ERC2: variants seen among roughly 807,000 people sequenced by gnomAD.
The protein encoded by ERC2 is ELKS/RAB6-interacting/CAST family member 2.
ERC2 carries 42 observed loss-of-function variants against 114.8 expected under a neutral mutation model. That is an observed-to-expected ratio of 0.37 (90% CI 0.29 to 0.47). ERC2 has a LOEUF of 0.47. Ranked by LOEUF, ERC2 falls within the 20% of genes least tolerant of loss-of-function variation. The pLI, the probability that ERC2 is intolerant of heterozygous loss-of-function variation, is 0.99. For missense variants in ERC2, 939 were observed against 1,150.7 expected, an observed-to-expected ratio of 0.82 and a Z score of 2.66; for synonymous variants, 454 against 425.5, an observed-to-expected ratio of 1.07 and a Z score of -0.82.
At position 55,943,285 on chromosome 3, in the gene ERC2, G is replaced by C. The variant is rs543688620; in HGVS notation, c.2403+7140C>G. On this transcript the variant is annotated intron_variant, in intron 13 of 17. Transcript: ENST00000288221. ...CCAGTCCTTTTGCTTTCAATGTTTG[G>C]GTTCTTCAGTAATGCCTTCACCGTA... Among the ~76,000 whole-genome samples, 17 of 152,176 alleles carry C rather than the reference G, an allele frequency of 1.1e-4. No homozygotes were observed. The South Asian group carries it at 3.5e-3, about 32-fold the overall frequency.
chr3:55,970,896 A>G (rs999082645), intron 12 of ERC2, among the ~76,000 whole-genome samples: 6 of 152,204 alleles, frequency 3.9e-5, no homozygotes, highest in Admixed American at 3.3e-4. Flanking sequence ...ATGAATGTCC[A>G]TAGCAATATT....
chr3:56,307,951 C>T (rs1383885942), intron 2 of ERC2, among the ~76,000 whole-genome samples: 4 of 151,960 alleles, frequency 2.6e-5, no homozygotes, highest in Non-Finnish European at 4.4e-5. Flanking sequence ...CTCACCAGAC[C>T]GTCGGCACAA....
At chr3:56,017,746 GTC>G (rs1415474884) in intron 8 of ERC2, among the ~76,000 whole-genome samples, 2 of 152,074 alleles carry the variant, frequency 1.3e-5, no homozygotes, top group African/African-American at 4.8e-5. Context: ...TCCTAGGAAT[GTC>G]ACGTATTTAT....
At chr3:55,605,985 T>C (rs1443637662) in intron 17 of ERC2, among the ~76,000 whole-genome samples, 1 of 150,338 alleles carries the variant, frequency 6.7e-6, no homozygotes, top group East Asian at 1.9e-4. Context: ...CAGATGAGAA[T>C]AAAAGTCAGA....
intron 2 of ERC2, among the ~76,000 whole-genome samples, chr3:56,418,355 A>G (rs1009604360): frequency 1.3e-5 from 2 of 151,918 alleles, no homozygotes; most frequent in Non-Finnish European, 2.9e-5. Flanking sequence ...ATGGGCTTCA[A>G]AGTTGTTTAA....
intron 6 of ERC2, among the ~76,000 whole-genome samples, chr3:56,107,902 A>C (rs533917378): frequency 6.6e-6 from 1 of 152,312 alleles, no homozygotes; most frequent in South Asian, 2.1e-4. Context: ...AACAGAAAAA[A>C]ATTGTTAATT....
intron 16 of ERC2, among the ~76,000 whole-genome samples, chr3:55,699,124 T>A (rs2063092659): frequency 6.6e-6 from 1 of 151,826 alleles, no homozygotes; most frequent in African/African-American, 2.4e-5. Context: ...ATAGACTACA[T>A]ATCTATGAAA....
chr3:56,350,002 T>C (rs999792741), intron 2 of ERC2, among the ~76,000 whole-genome samples: 1 of 151,756 alleles, frequency 6.6e-6, no homozygotes, highest in African/African-American at 2.4e-5. Context: ...CCCTGTGACA[T>C]GCAATATGCC....
intron 16 of ERC2, among the ~76,000 whole-genome samples, chr3:55,698,609 AG>A (rs1479146662): frequency 6.6e-6 from 1 of 152,212 alleles, no homozygotes; most frequent in Non-Finnish European, 1.5e-5. Context: ...CAGTTACACT[AG>A]GATCACCAAA....
intron 4 of ERC2, among the ~76,000 whole-genome samples, chr3:56,167,840 C>T (rs889784057): frequency 6.6e-6 from 1 of 152,028 alleles, no homozygotes; most frequent in African/African-American, 2.4e-5. Context: ...CTGTAATGTA[C>T]ATATTTGGAG....
intron 13 of ERC2, among the ~76,000 whole-genome samples, chr3:55,891,321 GC>G (rs2063585434): frequency 6.6e-6 from 1 of 152,078 alleles, no homozygotes; most frequent in African/African-American, 2.4e-5. Context: ...GAAGCCCAGG[GC>G]AAACCCACAT....
chr3:56,376,096 T>C (rs939446302), intron 2 of ERC2, among the ~76,000 whole-genome samples: 1 of 152,176 alleles, frequency 6.6e-6, no homozygotes, highest in Non-Finnish European at 1.5e-5. Context: ...GGCACATTGA[T>C]TGCAACTTGT....
chr3:55,683,654 C>A, intron 17 of ERC2, 140 bp downstream of exon 17: 1 of 684,424 alleles, frequency 1.5e-6, no homozygotes, highest in South Asian at 2.1e-5. Context: ...TCAGGGCACG[C>A]GGACATTCTG....
intron 7 of ERC2, among the ~76,000 whole-genome samples, chr3:56,065,311 C>G (rs1300966280): frequency 6.6e-6 from 1 of 152,026 alleles, no homozygotes; most frequent in Non-Finnish European, 1.5e-5. Context: ...CAGCCTCAAC[C>G]TCCCGGACTC....
intron 12 of ERC2, among the ~76,000 whole-genome samples, chr3:55,984,309 A>T (rs377003517): frequency 1.4e-4 from 21 of 152,250 alleles, no homozygotes; most frequent in African/African-American, 4.8e-4. Flanking sequence ...AAACAAAAAA[A>T]CTACCACACA....
At chr3:56,215,096 A>T (rs1560391940) in intron 3 of ERC2, among the ~76,000 whole-genome samples, 2 of 152,190 alleles carry the variant, frequency 1.3e-5, no homozygotes, top group African/African-American at 4.8e-5. Flanking sequence ...AACGAGCAAA[A>T]TAACGAGCTA....
At chr3:55,777,776 T>C (rs1054002509) in intron 14 of ERC2, among the ~76,000 whole-genome samples, 4 of 152,240 alleles carry the variant, frequency 2.6e-5, no homozygotes, top group Non-Finnish European at 4.4e-5. Flanking sequence ...TAATCCTGTA[T>C]ATAAATTTTA....
At chr3:56,049,550 C>CA in intron 7 of ERC2, among the ~76,000 whole-genome samples, 1 of 152,270 alleles carries the variant, frequency 6.6e-6, no homozygotes, top group Non-Finnish European at 1.5e-5. Context: ...AAGGCAGACT[C>CA]AACCTTAATC....
At chr3:55,534,684 C>T (rs1379426252) in intron 17 of ERC2, among the ~76,000 whole-genome samples, 1 of 151,852 alleles carries the variant, frequency 6.6e-6, no homozygotes, top group Non-Finnish European at 1.5e-5. Context: ...CAACAGACCT[C>T]GTGTCAAAAA....
Sources: gnomAD v4.1 joint callset for allele counts (sites outside exome capture counted in the v4.1 genomes callset) on GRCh38, gnomAD v4.1.1 for gene constraint, MANE v1.5 for transcripts, NCBI Gene and HGNC (gene_info 2026-07-23, HGNC 2026-07-21) for gene names.